Variants in PATJ observed in about 807,000 individuals in gnomAD.
The protein encoded by PATJ is inaD-like protein.
In PATJ, 190 loss-of-function variants were observed where a neutral mutation model predicts 224.9. The ratio of observed to expected loss-of-function variants is 0.84; its 90% CI spans 0.75 to 0.95. PATJ has a LOEUF of 0.95. Among genes scored for constraint, PATJ ranks in the 40% least tolerant of loss-of-function variants. The pLI is 0.00. For synonymous variants in PATJ, 769 were observed against 820.3 expected (o/e 0.94, Z 1.07); for missense variants, 2,121 against 2,270.3 (o/e 0.93, Z 1.34).
At chr1:61,841,609 T>TC (rs987924251) in intron 17 of PATJ, among the ~76,000 whole-genome samples, 11 of 151,364 alleles carry the variant, frequency 7.3e-5, no homozygotes, top group African/African-American at 2.7e-4. Context: ...CCTTTTTTTT[T>TC]TTTGGGAGCT....
chr1:61,832,329 T>A (rs1268901174), intron 16 of PATJ, among the ~76,000 whole-genome samples: 2 of 152,062 alleles, frequency 1.3e-5, no homozygotes, highest in Non-Finnish European at 2.9e-5. Flanking sequence ...CTAAAATAAA[T>A]GTTGGAGAGA....
intron 29 of PATJ, among the ~76,000 whole-genome samples, chr1:62,024,603 A>G (rs183530854): frequency 6.8e-4 from 98 of 144,816 alleles, no homozygotes; most frequent in Non-Finnish European, 1.0e-3. Context: ...TATTTATACT[A>G]TTTGCCCAGT....
At chr1:61,943,514 C>T (rs559266896) in intron 27 of PATJ, among the ~76,000 whole-genome samples, 16 of 152,116 alleles carry the variant, frequency 1.1e-4, no homozygotes, top group Admixed American at 7.2e-4. Context: ...GATCGAACTG[C>T]GAGGTGGCAG....
At chr1:62,110,937 A>C (rs1173487914) in intron 34 of PATJ, among the ~76,000 whole-genome samples, 1 of 152,152 alleles carries the variant, frequency 6.6e-6, no homozygotes, top group East Asian at 1.9e-4. Flanking sequence ...TCTGTAAGGC[A>C]CTTACATAAT....
At chr1:61,816,126 C>T (rs1656057700) in intron 14 of PATJ, among the ~76,000 whole-genome samples, 1 of 152,102 alleles carries the variant, frequency 6.6e-6, no homozygotes, top group African/African-American at 2.4e-5. Flanking sequence ...ACCTGGAGAA[C>T]ATTAAAATAT....
intron 8 of PATJ, 146 bp from the exon 9 acceptor site, chr1:61,791,202 A>G: frequency 2.0e-6 from 1 of 504,238 alleles, no homozygotes; most frequent in Non-Finnish European, 3.5e-6. Flanking sequence ...TGGGAGTAGC[A>G]CCAGGAATTG....
At chr1:61,825,053 T>C (rs926566320) in intron 15 of PATJ, among the ~76,000 whole-genome samples, 5 of 152,234 alleles carry the variant, frequency 3.3e-5, no homozygotes, top group African/African-American at 9.6e-5. Context: ...GGTTAGCATG[T>C]GTCCCTTGGC....
At chr1:61,978,237 C>CTCCCTCCCTCCT (rs1644255760) in intron 27 of PATJ, among the ~76,000 whole-genome samples, 1 of 148,476 alleles carries the variant, frequency 6.7e-6, no homozygotes, top group Non-Finnish European at 1.5e-5. Flanking sequence ...CCCTCCCTCC[C>CTCCCTCCCTCCT]TCCCTCCCTC....
chr1:61,869,037 G>C (rs1413448011), intron 20 of PATJ, among the ~76,000 whole-genome samples: 3 of 150,728 alleles, frequency 2.0e-5, no homozygotes, highest in African/African-American at 7.3e-5. Context: ...TCTATGAGAA[G>C]AACAACTAGG....
At chr1:61,886,168 AAAGTAT>A (rs1382123424) in intron 22 of PATJ, among the ~76,000 whole-genome samples, 2 of 152,104 alleles carry the variant, frequency 1.3e-5, no homozygotes, top group African/African-American at 4.8e-5. Flanking sequence ...CCTAAAACTT[AAAGTAT>A]AATTAAAAAA....
At chr1:61,789,552 C>T (rs1649331129) in intron 8 of PATJ, among the ~76,000 whole-genome samples, 1 of 151,882 alleles carries the variant, frequency 6.6e-6, no homozygotes, top group Admixed American at 6.6e-5. Flanking sequence ...GTGGCTCATG[C>T]CTGTAATCCG....
At chr1:62,061,848 A>C (rs560941089) in intron 31 of PATJ, among the ~76,000 whole-genome samples, 8 of 152,092 alleles carry the variant, frequency 5.3e-5, no homozygotes, top group African/African-American at 1.7e-4. Flanking sequence ...TTTAGTAAAG[A>C]TGGGGTTTCA....
intron 1 of PATJ, among the ~76,000 whole-genome samples, chr1:61,748,848 T>A (rs974796276): frequency 1.3e-5 from 2 of 152,110 alleles, no homozygotes; most frequent in East Asian, 3.9e-4. Flanking sequence ...GAGATGGGGT[T>A]TTGCCATGTT....
intron 14 of PATJ, among the ~76,000 whole-genome samples, chr1:61,809,975 A>G (rs1182685601): frequency 1.3e-5 from 2 of 151,486 alleles, no homozygotes; most frequent in Non-Finnish European, 2.9e-5. Flanking sequence ...CCTCCCAAGT[A>G]GCTGGGACTT....
chr1:62,150,644 T>C (rs1301415625), intron 42 of PATJ, among the ~76,000 whole-genome samples: 1 of 122,302 alleles, frequency 8.2e-6, no homozygotes, highest in Non-Finnish European at 1.6e-5. Flanking sequence ...GCCACTGTAC[T>C]CCAGCCTAGG....
At chr1:61,964,796 G>T (rs1215631868) in intron 27 of PATJ, among the ~76,000 whole-genome samples, 1 of 151,590 alleles carries the variant, frequency 6.6e-6, no homozygotes, top group Non-Finnish European at 1.5e-5. Flanking sequence ...TCTTAAAAAA[G>T]AAAAAGAAAT....
chr1:62,068,982 G>A (rs181677307), intron 31 of PATJ, among the ~76,000 whole-genome samples: 1 of 152,260 alleles, frequency 6.6e-6, no homozygotes, highest in East Asian at 1.9e-4. Context: ...CTCCTTTTGT[G>A]TAATAATTGG....
intron 28 of PATJ, among the ~76,000 whole-genome samples, chr1:62,014,175 C>T (rs904373201): frequency 1.3e-5 from 2 of 152,142 alleles, no homozygotes; most frequent in Non-Finnish European, 2.9e-5. Flanking sequence ...CCCACCTCAG[C>T]TTCCTCTGAG....
intron 28 of PATJ, among the ~76,000 whole-genome samples, chr1:62,005,865 C>T (rs1646060355): frequency 6.6e-6 from 1 of 152,142 alleles, no homozygotes; most frequent in African/African-American, 2.4e-5. Context: ...TAATTTGTCA[C>T]TTTTCATAAT....
Sources: allele counts gnomAD v4.1 joint callset (sites outside exome capture counted in the v4.1 genomes callset), GRCh38; gene constraint gnomAD v4.1.1; transcripts MANE v1.5; gene names NCBI Gene and HGNC (gene_info 2026-07-23, HGNC 2026-07-21).